The following WWOX variants were observed in gnomAD, a reference collection of about 807,000 sequenced individuals.
WWOX encodes WW domain containing oxidoreductase, also known as WW domain-containing oxidoreductase.
WWOX carries 69 observed loss-of-function variants against 46.2 expected under a neutral mutation model. The observed-to-expected ratio is 1.49, with a 90% CI of 1.23 to 1.82. WWOX has a LOEUF of 1.82. WWOX is among the 40% of genes most tolerant of loss of function. The pLI is 0.00. For synonymous variants in WWOX, 359 were observed against 202.6 expected, an observed-to-expected ratio of 1.77 and a Z score of -6.56; for missense variants, 919 against 542.6, an observed-to-expected ratio of 1.69 and a Z score of -6.89.
chr16:78,122,424 C>G (rs147862483), intron 4 of WWOX, among the ~76,000 whole-genome samples: 85 of 152,066 alleles, frequency 5.6e-4, no homozygotes, highest in Non-Finnish European at 1.0e-3. Context: ...GTGGGTCAAA[C>G]CCATAATTAA....
At position 79,081,750 on chromosome 16, in the gene WWOX, G is replaced by T. The variant is rs974111030; in HGVS notation, c.1057-129858G>T. Among the ~76,000 whole-genome samples the T allele has an allele frequency of 5.3e-5, 8 of 152,162 alleles. No individual in the cohort carries two copies. In the South Asian group the frequency reaches 1.7e-3, roughly 32 times the overall value. On this transcript the variant is annotated intron_variant, in intron 8 of 8. Transcript: ENST00000566780. ...ATGCCAAGTGTGAACCATGGCTTGCGGGGGCTCCTGTCTCACGCTGGATGC... is the reference window on the plus strand; with the variant it reads ...ATGCCAAGTGTGAACCATGGCTTGCTGGGGCTCCTGTCTCACGCTGGATGC...
chr16:78,751,238 G>C (rs1253521589), intron 8 of WWOX, among the ~76,000 whole-genome samples: 1 of 151,788 alleles, frequency 6.6e-6, no homozygotes, highest in East Asian at 1.9e-4. Context: ...AAATTAGTTA[G>C]AAGAAGATAT....
Position 78,746,880 on chromosome 16 carries a change from T to C in WWOX, c.1056+314128T>C, listed in dbSNP as rs185185433. Among the ~76,000 whole-genome samples the C allele has an allele frequency of 1.8e-3, 280 of 152,258 alleles. 1 individual carries two copies. The highest frequency in any genetic ancestry group is 6.2e-3 in the African/African-American group (257 of 41,542). On this transcript the variant is annotated intron_variant, in intron 8 of 8. Transcript: ENST00000566780. ...GAACCCTTGAAATTTTGAGGTTGTT[T>C]GTTATGCGGCAGTATTTTGGCAGTA...
At chr16:79,209,488 G>A (rs1464215348) in intron 8 of WWOX, among the ~76,000 whole-genome samples, 2 of 152,212 alleles carry the variant, frequency 1.3e-5, no homozygotes, top group Non-Finnish European at 2.9e-5. Context: ...TTTGAATGCT[G>A]AATAGTATAA....
At chr16:78,808,168 C>T (rs2051092405) in intron 8 of WWOX, among the ~76,000 whole-genome samples, 1 of 152,130 alleles carries the variant, frequency 6.6e-6, no homozygotes, top group Admixed American at 6.5e-5. Context: ...CATGTTATTC[C>T]ACCTCAAGAT....
At chr16:79,160,445 C>T (rs1273396959) in intron 8 of WWOX, among the ~76,000 whole-genome samples, 2 of 152,086 alleles carry the variant, frequency 1.3e-5, no homozygotes, top group African/African-American at 2.4e-5. Context: ...ATCTGTAAAA[C>T]AGAGATCAGA....
chr16:78,853,372 C>T (rs1159106010), intron 8 of WWOX, among the ~76,000 whole-genome samples: 1 of 152,056 alleles, frequency 6.6e-6, no homozygotes, highest in Non-Finnish European at 1.5e-5. Context: ...GCCACGAAGC[C>T]CGACTGATTT....
At chr16:78,458,953 A>G (rs2083889608) in intron 8 of WWOX, among the ~76,000 whole-genome samples, 1 of 152,170 alleles carries the variant, frequency 6.6e-6, no homozygotes, top group Non-Finnish European at 1.5e-5. Context: ...TCAGCATTTA[A>G]TTTACTTCCG....
chr16:78,405,410 C>G (rs751180293), intron 6 of WWOX, among the ~76,000 whole-genome samples: 13 of 152,186 alleles, frequency 8.5e-5, no homozygotes, highest in Non-Finnish European at 1.3e-4. Flanking sequence ...TGGTGTCTGT[C>G]AAATTGTCGA....
At chr16:78,635,872 A>G (rs1445565809) in intron 8 of WWOX, among the ~76,000 whole-genome samples, 1 of 152,110 alleles carries the variant, frequency 6.6e-6, no homozygotes, top group East Asian at 1.9e-4. Context: ...ATTGGAGGGG[A>G]AAAAGATGCT....
chr16:78,971,538 G>C (rs1376335898), intron 8 of WWOX, among the ~76,000 whole-genome samples: 2 of 151,824 alleles, frequency 1.3e-5, no homozygotes, highest in Non-Finnish European at 2.9e-5. Context: ...AAAGAGAATG[G>C]AGCACTCTAA....
intron 6 of WWOX, among the ~76,000 whole-genome samples, chr16:78,414,347 T>C (rs760267240): frequency 1.2e-4 from 19 of 152,192 alleles, no homozygotes; most frequent in Non-Finnish European, 2.1e-4. Context: ...GGTGGGCAGA[T>C]CACTTGAGGT....
chr16:78,610,782 G>A (rs1013169081), intron 8 of WWOX, among the ~76,000 whole-genome samples: 11 of 151,986 alleles, frequency 7.2e-5, no homozygotes, highest in Admixed American at 2.6e-4. Context: ...TATAAAATCT[G>A]GAGGTTTGGA....
chr16:78,390,881 T>G (rs1042675541), intron 6 of WWOX, among the ~76,000 whole-genome samples: 1 of 152,172 alleles, frequency 6.6e-6, no homozygotes, highest in Admixed American at 6.5e-5. Flanking sequence ...ATCCCTTAAA[T>G]TTGAATTCCA....
At chr16:78,363,504 C>T (rs559642297) in intron 5 of WWOX, among the ~76,000 whole-genome samples, 4 of 152,064 alleles carry the variant, frequency 2.6e-5, no homozygotes, top group African/African-American at 4.8e-5. Context: ...TCCTTGAACT[C>T]CTGGGCTCAA....
intron 8 of WWOX, among the ~76,000 whole-genome samples, chr16:79,178,255 C>A (rs1293878442): frequency 6.6e-6 from 1 of 152,050 alleles, no homozygotes; most frequent in African/African-American, 2.4e-5. Flanking sequence ...TTACAAAAAA[C>A]AAAAAACAGT....
intron 8 of WWOX, among the ~76,000 whole-genome samples, chr16:78,716,336 A>G (rs983448481): frequency 6.6e-6 from 1 of 152,014 alleles, no homozygotes; most frequent in Non-Finnish European, 1.5e-5. Context: ...CCCTGTTGAC[A>G]CCTTGATTTC....
chr16:79,141,335 T>G (rs1364333742), intron 8 of WWOX, among the ~76,000 whole-genome samples: 1 of 152,218 alleles, frequency 6.6e-6, no homozygotes, highest in Non-Finnish European at 1.5e-5. Context: ...CTCCCTAGAA[T>G]GTGTACAACC....
At chr16:78,624,410 G>T (rs1453624446) in intron 8 of WWOX, among the ~76,000 whole-genome samples, 1 of 152,030 alleles carries the variant, frequency 6.6e-6, no homozygotes, top group East Asian at 1.9e-4. Context: ...TGGACGGTTT[G>T]CTTTAGAGTG....
Sources: gnomAD v4.1 joint callset for allele counts (sites outside exome capture counted in the v4.1 genomes callset) on GRCh38, gnomAD v4.1.1 for gene constraint, MANE v1.5 for transcripts, NCBI Gene and HGNC (gene_info 2026-07-23, HGNC 2026-07-21) for gene names.